Variants in ATP13A4 observed in about 807,000 individuals in gnomAD.
ATP13A4 encodes probable cation-transporting ATPase 13A4.
A neutral mutation model predicts 142.5 loss-of-function variants in ATP13A4; 114 were observed. The ratio of observed to expected loss-of-function variants is 0.80; its 90% CI spans 0.69 to 0.93. ATP13A4 has a LOEUF of 0.93. ATP13A4 is among the 40% of genes least tolerant of loss of function. ATP13A4 has a pLI of 0.00. For missense variants in ATP13A4, 1,392 were observed against 1,454.0 expected, an observed-to-expected ratio of 0.96 and a Z score of 0.69; for synonymous variants, 488 against 514.8, an observed-to-expected ratio of 0.95 and a Z score of 0.70.
intron 1 of ATP13A4, among the ~76,000 whole-genome samples, chr3:193,524,547 T>C (rs934204635): frequency 5.9e-5 from 9 of 152,172 alleles, no homozygotes; most frequent in African/African-American, 2.2e-4. Context: ...TATCTGGGAA[T>C]ACCAGCCTGT....
chr3:193,521,078 C>T (rs1721689918), intron 1 of ATP13A4, among the ~76,000 whole-genome samples: 1 of 152,170 alleles, frequency 6.6e-6, no homozygotes, highest in Non-Finnish European at 1.5e-5. Context: ...TGCTGCACCT[C>T]CAGCATAAAG....
chr3:193,453,984 T>C, intron 17 of ATP13A4, 117 bp downstream of exon 17: 5 of 824,686 alleles, frequency 6.1e-6, no homozygotes, highest in Non-Finnish European at 1.0e-5. Context: ...GCAAGCTACA[T>C]TGCTCTGTCC....
chr3:193,487,196 C>T (rs1013316517), intron 7 of ATP13A4, among the ~76,000 whole-genome samples: 3 of 151,922 alleles, frequency 2.0e-5, no homozygotes, highest in African/African-American at 7.3e-5. Context: ...AGCAGTTAAC[C>T]GTGTCAAATC....
intron 25 of ATP13A4, among the ~76,000 whole-genome samples, chr3:193,417,519 T>C (rs1455577950): frequency 6.6e-6 from 1 of 152,248 alleles, no homozygotes; most frequent in African/African-American, 2.4e-5. Context: ...AAATTTAGAA[T>C]GTTTCATGTC....
chr3:193,427,530 C>G (rs1560179413), intron 25 of ATP13A4, among the ~76,000 whole-genome samples: 2 of 152,190 alleles, frequency 1.3e-5, no homozygotes, highest in Non-Finnish European at 2.9e-5. Context: ...CTGGAGGCAT[C>G]ACACTATCTG....
chr3:193,549,001 T>C (rs1002374792), intron 1 of ATP13A4, among the ~76,000 whole-genome samples: 2 of 152,110 alleles, frequency 1.3e-5, no homozygotes, highest in Non-Finnish European at 2.9e-5. Context: ...ATCAAGGAAA[T>C]GTAAAAATAA....
chr3:193,448,455 C>T (rs1717084967), intron 17 of ATP13A4, 125 bp from the exon 18 acceptor site: 1 of 1,243,438 alleles, frequency 8.0e-7, no homozygotes, highest in Non-Finnish European at 1.1e-6. Context: ...CCTGCCTCAG[C>T]TTCCCAAGTA....
intron 1 of ATP13A4, among the ~76,000 whole-genome samples, chr3:193,523,078 G>A (rs1261839805): frequency 1.3e-5 from 2 of 151,936 alleles, no homozygotes; most frequent in Admixed American, 6.6e-5. Context: ...CGAGGCACGC[G>A]GATCACCCGA....
chr3:193,543,823 C>A (rs550187031), intron 1 of ATP13A4, among the ~76,000 whole-genome samples: 1 of 152,292 alleles, frequency 6.6e-6, no homozygotes, highest in East Asian at 1.9e-4. Context: ...TTACCTTTTG[C>A]ATCTCATGAA....
chr3:193,493,279 A>T, intron 3 of ATP13A4, 119 bp from the exon 4 acceptor site: 1 of 841,956 alleles, frequency 1.2e-6, no homozygotes. Flanking sequence ...ATACTTATTT[A>T]AGATTTTATC....
rs1003700707 is a variant in ATP13A4 at position 193,479,714 on chromosome 3, T to C, written c.808+4222A>G. 2.6e-5 allele frequency among the ~76,000 whole-genome samples: 4 copies of C among 152,108 alleles called. No individual in the cohort carries two copies. The East Asian group carries it at 5.8e-4, about 22-fold the overall frequency. ...TGCCAAAATCAATCTACAAATTCAA[T>C]GCAATTCCCATGAAAATACCATCAT... On this transcript the variant is annotated intron_variant, in intron 8 of 29. Coordinates refer to ENST00000342695, the MANE Select transcript of ATP13A4 (RefSeq NM_032279.4).
At chr3:193,564,144 TA>T (rs1724083227) in intron 2 of ATP13A4, among the ~76,000 whole-genome samples, 1 of 152,366 alleles carries the variant, frequency 6.6e-6, no homozygotes, top group Admixed American at 6.5e-5. Context: ...AAGGCCTGGC[TA>T]ACCCAGAGGC....
intron 1 of ATP13A4, among the ~76,000 whole-genome samples, chr3:193,529,849 G>C (rs937350549): frequency 6.6e-6 from 1 of 152,122 alleles, no homozygotes; most frequent in Admixed American, 6.5e-5. Context: ...TAAACCAAAC[G>C]AGATTTCCTT....
intron 22 of ATP13A4, among the ~76,000 whole-genome samples, chr3:193,438,787 C>T (rs2108620949): frequency 6.6e-6 from 1 of 152,314 alleles, no homozygotes; most frequent in South Asian, 2.1e-4. Context: ...GAACCAAATT[C>T]TACTCTGTGT....
Position 193,584,970 on chromosome 3 carries a change from C to G in ATP13A4, n.92-3064G>C, listed in dbSNP as rs930328361. ...AAGTTCCCCAATGTTCCTCCCCACT[C>G]TCCATATCTATTTTTCCTGGTCTAG... is the stretch of plus-strand genomic sequence containing the variant. On this transcript the variant is annotated intron_variant and non_coding_transcript_variant, in intron 1 of 3. Coordinates refer to the ATP13A4 transcript ENST00000489140. Among the ~76,000 whole-genome samples, 17 of 152,176 alleles carry G rather than the reference C, an allele frequency of 1.1e-4. 1 individual carries two copies. Among genetic ancestry groups the G allele is most frequent in the African/African-American group, 3.6e-4 (15 of 41,436 alleles).
Position 193,464,978 on chromosome 3 carries a change from TGATCCTCTG to T in ATP13A4, c.1414_1422del (p.Gln472_Ile474del). On this transcript the variant is annotated inframe_deletion, in exon 12 of 30. Coordinates refer to ENST00000342695, the MANE Select transcript of ATP13A4 (RefSeq NM_032279.4). ...ACAAGGTTTAACTGTCCACATACGTTGATCCTCTGGGGGCTAATGCAGAAGATGCCTCTC... is the reference window on the plus strand; with the variant it reads ...ACAAGGTTTAACTGTCCACATACGTTGGGGCTAATGCAGAAGATGCCTCTC... 6.2e-7 allele frequency: 1 copy of T among 1,614,156 alleles called. No individual in the cohort carries two copies. Among genetic ancestry groups the T allele is most frequent in the Non-Finnish European group, 8.5e-7 (1 of 1,180,024 alleles).
chr3:193,462,431 G>C lies in ATP13A4; in HGVS notation c.1523+331C>G, dbSNP rs1002964757. ...AACAAAGAATGTTACCTCCTTAAAG[G>C]ACAGTGTCCTGGTAATGTCTAAATT... On this transcript the variant is annotated intron_variant, in intron 13 of 29. Transcript: ENST00000342695. 2.0e-5 allele frequency among the ~76,000 whole-genome samples: 3 copies of C among 152,038 alleles called. 1 individual carries two copies. Among genetic ancestry groups the C allele is most frequent in the African/African-American group, 7.2e-5 (3 of 41,388 alleles).
At chr3:193,508,167 C>G (rs1177934931) in intron 2 of ATP13A4, among the ~76,000 whole-genome samples, 14 of 152,210 alleles carry the variant, frequency 9.2e-5, no homozygotes, top group Non-Finnish European at 1.8e-4. Context: ...GAAACCAACT[C>G]TCCTGGCCCT....
Position 193,438,545 on chromosome 3 carries a change from G to T in ATP13A4, c.2602C>A (p.Gln868Lys), listed in dbSNP as rs1560186764. The T allele has an allele frequency of 1.2e-6, 2 of 1,614,162 alleles. No individual in the cohort carries two copies. Reference sequence around the variant, plus strand: ...AAAGGTGAGGCCACAGATGCCTCCTGCTCTGATAATGAGATGCCCACATGA... The same window carrying T: ...AAAGGTGAGGCCACAGATGCCTCCTTCTCTGATAATGAGATGCCCACATGA... ...MAHVGISLSE[Q>K]EASVASPFTS... The change falls in exon 23 of 30, where the codon CAG becomes AAG. Residue 868 changes from glutamine to lysine, a missense_variant. By Grantham distance (53) the Gln-to-Lys change is moderately conservative. Transcript: ENST00000342695.
Sources: gnomAD v4.1 joint callset for allele counts (sites outside exome capture counted in the v4.1 genomes callset) on GRCh38, gnomAD v4.1.1 for gene constraint, MANE v1.5 for transcripts, NCBI Gene and HGNC (gene_info 2026-07-23, HGNC 2026-07-21) for gene names.